SSBP3: variants seen among roughly 807,000 people sequenced by gnomAD.
SSBP3 encodes single stranded DNA binding protein 3, also known as single-stranded DNA-binding protein 3.
A neutral mutation model predicts 69.6 loss-of-function variants in SSBP3; 5 were observed. The observed-to-expected ratio is 0.07, with a 90% CI of 0.04 to 0.15. The LOEUF is 0.15. SSBP3 is among the 10% of genes least tolerant of loss of function. The pLI is 1.00. For synonymous variants in SSBP3, 196 were observed against 193.4 expected (o/e 1.01, Z -0.11); for missense variants, 312 against 534.0 (o/e 0.58, Z 4.10).
At chr1:54,370,901 G>A (rs1270553211) in intron 4 of SSBP3, among the ~76,000 whole-genome samples, 1 of 151,900 alleles carries the variant, frequency 6.6e-6, no homozygotes, top group East Asian at 1.9e-4. Flanking sequence ...AAGATCAAGG[G>A]ATCCCAGTGT....
At chr1:54,290,804 G>A (rs1183363967) in intron 4 of SSBP3, among the ~76,000 whole-genome samples, 7 of 152,186 alleles carry the variant, frequency 4.6e-5, no homozygotes, top group African/African-American at 1.4e-4. Flanking sequence ...GAAGATTAAG[G>A]GCTAGAGGAT....
Position 54,404,844 on chromosome 1 carries a change from G to A in SSBP3, c.129+14C>T, listed in dbSNP as rs1336238877. 10 of 1,603,836 alleles carry A rather than the reference G, an allele frequency of 6.2e-6. No homozygotes were observed. The highest frequency in any genetic ancestry group is 2.7e-5 in the African/African-American group (2 of 74,294). ...GGTGTCAAGAAATTGGATGCTGGGGGGAGTCCCACTCACCTCCGATAAGAA... is the reference window on the plus strand; with the variant it reads ...GGTGTCAAGAAATTGGATGCTGGGGAGAGTCCCACTCACCTCCGATAAGAA... On this transcript the variant is annotated intron_variant, in intron 2 of 17. Transcript: ENST00000610401.
At chr1:54,255,274 A>G (rs1001160605) in intron 7 of SSBP3, among the ~76,000 whole-genome samples, 1 of 152,110 alleles carries the variant, frequency 6.6e-6, no homozygotes, top group African/African-American at 2.4e-5. Flanking sequence ...GTTGCTGAGT[A>G]GAAATATACA....
rs373043754 is a variant in SSBP3, at chr1:54,232,306, T to C, written c.928-3480A>G. ...ATTTGATAGGCTATATTACATTAAT[T>C]ATTTTTTAGAGATGAGGTCTTGCTC... On this transcript the variant is annotated intron_variant, in intron 14 of 17. Transcript: ENST00000610401. 2.2e-4 allele frequency among the ~76,000 whole-genome samples: 33 copies of C among 152,324 alleles called. No individual in the cohort carries two copies. In the East Asian group the frequency reaches 3.7e-3, roughly 17 times the overall value.
At chr1:54,309,432 C>T (rs751684501) in intron 4 of SSBP3, among the ~76,000 whole-genome samples, 2 of 152,234 alleles carry the variant, frequency 1.3e-5, no homozygotes, top group African/African-American at 2.4e-5. Context: ...CCCTTCTCTG[C>T]GCAGCAAAGG....
chr1:54,313,241 T>C (rs556971069), intron 4 of SSBP3, among the ~76,000 whole-genome samples: 4 of 152,008 alleles, frequency 2.6e-5, no homozygotes, highest in South Asian at 2.1e-4. Flanking sequence ...GTTGATATGT[T>C]TGTTCTCCAA....
chr1:54,259,785 T>C (rs1644987425), intron 5 of SSBP3, among the ~76,000 whole-genome samples: 1 of 152,188 alleles, frequency 6.6e-6, no homozygotes, highest in Non-Finnish European at 1.5e-5. Flanking sequence ...CCTGGGAGTT[T>C]CTTGGCCAAG....
chr1:54,242,342 AG>A lies in SSBP3; in HGVS notation c.717-131del. On this transcript the variant is annotated intron_variant, in intron 10 of 17. Transcript: ENST00000610401. ...TCCTTCCTACAGCCCTGCGGTTTAGAGCCTTCTGGCTCAGGGCAGTAATGGG... is the reference window on the plus strand; with the variant it reads ...TCCTTCCTACAGCCCTGCGGTTTAGACCTTCTGGCTCAGGGCAGTAATGGG... The A allele has an allele frequency of 4.8e-6, 5 of 1,043,542 alleles. No homozygotes were observed. The Admixed American group carries it at 6.1e-5, about 13-fold the overall frequency. The allele number at this position is 1,043,542 out of a possible 1,614,324, so 64.6% of individuals were successfully genotyped here.
At chr1:54,347,888 CTAAGTTTCTGTTGTT>C (rs1482119758) in intron 4 of SSBP3, among the ~76,000 whole-genome samples, 1 of 152,198 alleles carries the variant, frequency 6.6e-6, no homozygotes, top group Non-Finnish European at 1.5e-5. Flanking sequence ...AACATTGAGA[CTAAGTTTCTGTTGTT>C]TAAAGCCACC....
chr1:54,330,821 C>G (rs139669016), intron 4 of SSBP3, among the ~76,000 whole-genome samples: 5 of 152,200 alleles, frequency 3.3e-5, no homozygotes, highest in African/African-American at 1.2e-4. Flanking sequence ...CTTAACAGAT[C>G]GCCAACGCAG....
At chr1:54,279,783 G>A (rs895959104) in intron 5 of SSBP3, among the ~76,000 whole-genome samples, 10 of 152,250 alleles carry the variant, frequency 6.6e-5, no homozygotes, top group African/African-American at 2.2e-4. Context: ...CCTCTCACAC[G>A]CTGGCCTCTT....
At position 54,242,982 on chromosome 1, in the gene SSBP3, C is replaced by T. The variant is rs984471611; in HGVS notation, c.716+253G>A. 1.7e-5 allele frequency: 8 copies of T among 459,458 alleles called. 1 individual carries two copies. Among genetic ancestry groups the T allele is most frequent in the Admixed American group, 7.5e-5 (2 of 26,754 alleles). 28.5% of individuals were successfully genotyped at this position (459,458 alleles called of 1,614,324 possible). A position where few individuals can be genotyped will look rare whatever the true frequency, so the allele number is the denominator to read the frequency against. On this transcript the variant is annotated intron_variant, in intron 10 of 17. Coordinates refer to ENST00000610401, the Ensembl canonical transcript of SSBP3. The stretch of plus-strand genomic sequence containing the variant: ...ATAAAAATAAAAATAAAAATCATCG[C>T]GTCATAGGGTAATCATGAAGATGAG...
intron 4 of SSBP3, among the ~76,000 whole-genome samples, chr1:54,299,348 C>T (rs541102073): frequency 3.9e-5 from 6 of 152,286 alleles, no homozygotes; most frequent in Admixed American, 6.5e-5. Context: ...CGGGGGCGTG[C>T]TAGCACACCT....
At chr1:54,397,277 C>T (rs958316549) in intron 4 of SSBP3, among the ~76,000 whole-genome samples, 2 of 152,190 alleles carry the variant, frequency 1.3e-5, no homozygotes, top group African/African-American at 4.8e-5. Context: ...TCTTGTCCCC[C>T]TCCCCCGAAA....
chr1:54,366,314 C>G (rs1647029381), intron 4 of SSBP3, among the ~76,000 whole-genome samples: 2 of 152,140 alleles, frequency 1.3e-5, no homozygotes, highest in Admixed American at 1.3e-4. Context: ...TCCTGAGTAC[C>G]TGGTACAGTA....
At chr1:54,255,169 G>A (rs1207174198) in intron 7 of SSBP3, among the ~76,000 whole-genome samples, 1 of 122,340 alleles carries the variant, frequency 8.2e-6, no homozygotes, top group Non-Finnish European at 1.7e-5. Flanking sequence ...GGGGGGGGGG[G>A]TGGTTGGCAG....
chr1:54,277,845 A>G (rs115059122), intron 5 of SSBP3, among the ~76,000 whole-genome samples: 1 of 152,262 alleles, frequency 6.6e-6, no homozygotes, highest in African/African-American at 2.4e-5. Flanking sequence ...TTAAGGGGGA[A>G]CTAGGGAACC....
At chr1:54,330,290 G>A (rs974375679) in intron 4 of SSBP3, among the ~76,000 whole-genome samples, 5 of 152,190 alleles carry the variant, frequency 3.3e-5, no homozygotes, top group African/African-American at 1.2e-4. Flanking sequence ...CCGGGCACAT[G>A]AGGACTGCTG....
chr1:54,262,497 G>A (rs562087316), intron 5 of SSBP3, among the ~76,000 whole-genome samples: 1 of 152,352 alleles, frequency 6.6e-6, no homozygotes, highest in East Asian at 1.9e-4. Context: ...GACCTCCTAT[G>A]TGGCCAGCCA....
Sources: gnomAD v4.1 joint callset for allele counts (sites outside exome capture counted in the v4.1 genomes callset) on GRCh38, gnomAD v4.1.1 for gene constraint, MANE v1.5 for transcripts, NCBI Gene and HGNC (gene_info 2026-07-23, HGNC 2026-07-21) for gene names.